The following SCHIP1 variants were observed in gnomAD, a reference collection of about 807,000 sequenced individuals.
SCHIP1 encodes schwannomin-interacting protein 1.
SCHIP1 carries 8 observed loss-of-function variants against 29.7 expected under a neutral mutation model. That is an observed-to-expected ratio of 0.27 (90% confidence interval 0.16 to 0.49). The LOEUF (loss-of-function observed/expected upper bound fraction) is 0.49. Among genes scored for constraint, SCHIP1 ranks in the 20% least tolerant of loss-of-function variants. The pLI is 0.99. For missense variants in SCHIP1, 193 were observed against 294.6 expected (o/e 0.66, Z 2.52); for synonymous variants, 76 against 94.9 (o/e 0.80, Z 1.16).
the SCHIP1 span, among the ~76,000 whole-genome samples, chr3:159,506,561 T>C: frequency 6.6e-6 from 1 of 152,238 alleles, no homozygotes; most frequent in Non-Finnish European, 1.5e-5. Flanking sequence ...TCCTAAATGG[T>C]ATTGCCTAGG....
the SCHIP1 span, among the ~76,000 whole-genome samples, chr3:159,674,662 A>T: frequency 6.6e-6 from 1 of 151,844 alleles, no homozygotes; most frequent in African/African-American, 2.4e-5. Context: ...CATTTGAATT[A>T]AAAGTAGGAT....
chr3:159,862,870 C>T (rs963019493), intron 1 of SCHIP1, among the ~76,000 whole-genome samples: 1 of 152,024 alleles, frequency 6.6e-6, no homozygotes, highest in African/African-American at 2.4e-5. Flanking sequence ...GTAGTGAAAG[C>T]TGCACCCTCT....
At chr3:159,405,786 G>A in the SCHIP1 span, among the ~76,000 whole-genome samples, 1 of 151,140 alleles carries the variant, frequency 6.6e-6, no homozygotes, top group Non-Finnish European at 1.5e-5. Context: ...AGGAGGCTGA[G>A]CCAGGAGAAT....
At chr3:159,564,486 C>A in the SCHIP1 span, among the ~76,000 whole-genome samples, 1 of 152,238 alleles carries the variant, frequency 6.6e-6, no homozygotes, top group African/African-American at 2.4e-5. Flanking sequence ...AAGTGATTCT[C>A]CTGCCTCAGC....
chr3:159,780,117 T>G, the SCHIP1 span, among the ~76,000 whole-genome samples: 1 of 152,186 alleles, frequency 6.6e-6, no homozygotes, highest in Non-Finnish European at 1.5e-5. Flanking sequence ...TCTGGGAACT[T>G]CAGCTCCAGT....
chr3:159,580,895 G>A, the SCHIP1 span, among the ~76,000 whole-genome samples: 1 of 152,156 alleles, frequency 6.6e-6, no homozygotes, highest in Non-Finnish European at 1.5e-5. Context: ...CACTTTCCAT[G>A]ATCCATGCTA....
chr3:159,845,588 G>C (rs780067019), intron 1 of SCHIP1: 1 of 151,956 alleles, frequency 6.6e-6, no homozygotes. Context: ...CACCATGTTG[G>C]CCAGACTGGT....
the SCHIP1 span, among the ~76,000 whole-genome samples, chr3:159,409,127 G>T: frequency 5.3e-5 from 8 of 152,170 alleles, no homozygotes; most frequent in South Asian, 1.7e-3. Context: ...CGGTATAGAG[G>T]TAACATACCT....
the SCHIP1 span, among the ~76,000 whole-genome samples, chr3:159,483,156 G>A: frequency 2.0e-5 from 3 of 151,910 alleles, no homozygotes; most frequent in African/African-American, 4.8e-5. Flanking sequence ...TTTTCTAAAC[G>A]AATTCAAATT....
At chr3:159,731,459 C>A in the SCHIP1 span, among the ~76,000 whole-genome samples, 492 of 152,294 alleles carry the variant, frequency 3.2e-3, 3 homozygotes, top group African/African-American at 0.011. Context: ...CAGGAGTAGA[C>A]GAGGCCGGTA....
At chr3:159,869,462 A>G (rs1299245486) in intron 2 of SCHIP1, among the ~76,000 whole-genome samples, 1 of 151,790 alleles carries the variant, frequency 6.6e-6, no homozygotes, top group African/African-American at 2.4e-5. Flanking sequence ...ATATATGACC[A>G]TTTTTTTATC....
the SCHIP1 span, among the ~76,000 whole-genome samples, chr3:159,534,278 A>G: frequency 6.6e-6 from 1 of 152,172 alleles, no homozygotes. Context: ...ATTCATACCA[A>G]TAGATGAACT....
the SCHIP1 span, among the ~76,000 whole-genome samples, chr3:159,527,805 A>G: frequency 6.6e-6 from 1 of 152,214 alleles, no homozygotes; most frequent in Non-Finnish European, 1.5e-5. Context: ...GATTAATCTT[A>G]TTAAAAGGAT....
the SCHIP1 span, among the ~76,000 whole-genome samples, chr3:159,505,688 T>C: frequency 6.6e-6 from 1 of 152,098 alleles, no homozygotes; most frequent in Non-Finnish European, 1.5e-5. Flanking sequence ...GTTCTCATTG[T>C]TCGATTCCCA....
the SCHIP1 span, among the ~76,000 whole-genome samples, chr3:159,454,852 T>G: frequency 3.3e-4 from 50 of 152,318 alleles, no homozygotes; most frequent in African/African-American, 1.2e-3. Context: ...CATCCAACAA[T>G]GGACCTATAG....
At chr3:159,808,545 T>A in the SCHIP1 span, 1 of 152,354 alleles carries the variant, frequency 6.6e-6, no homozygotes, top group South Asian at 2.1e-4. Flanking sequence ...CTACATTTGA[T>A]CTCAGACAAA....
chr3:159,405,194 C>A, the SCHIP1 span, among the ~76,000 whole-genome samples: 1 of 152,258 alleles, frequency 6.6e-6, no homozygotes, highest in Admixed American at 6.5e-5. Flanking sequence ...GTCCAGACTG[C>A]AAAGACTACA....
the SCHIP1 span, among the ~76,000 whole-genome samples, chr3:159,633,968 T>C: frequency 1.3e-5 from 2 of 152,162 alleles, no homozygotes; most frequent in African/African-American, 4.8e-5. Flanking sequence ...AAAAAACCTG[T>C]AATCTTAGAA....
At chr3:159,535,031 A>G in the SCHIP1 span, among the ~76,000 whole-genome samples, 1 of 152,152 alleles carries the variant, frequency 6.6e-6, no homozygotes, top group Non-Finnish European at 1.5e-5. Context: ...TGCTGTTCTG[A>G]GTCCCTGTTC....
Sources: allele counts gnomAD v4.1 joint callset (sites outside exome capture counted in the v4.1 genomes callset), GRCh38; gene constraint gnomAD v4.1.1; transcripts MANE v1.5; gene names NCBI Gene and HGNC (gene_info 2026-07-23, HGNC 2026-07-21).